The following CDKN2B-AS1 variants were observed in gnomAD, a reference collection of about 807,000 sequenced individuals.
CDKN2B-AS1 encodes the protein CDKN2B antisense RNA 1 (non-protein coding).
intron 1 of CDKN2B-AS1, among the ~76,000 whole-genome samples, chr9:22,038,155 A>G (rs927710483): frequency 2.0e-5 from 3 of 151,994 alleles, no homozygotes; most frequent in East Asian, 1.9e-4. Flanking sequence ...AAATACTTTT[A>G]TATTTGCTTA....
chr9:22,054,421 A>G (rs1587464415), intron 3 of CDKN2B-AS1, among the ~76,000 whole-genome samples: 2 of 152,182 alleles, frequency 1.3e-5, no homozygotes, highest in Admixed American at 6.5e-5. Flanking sequence ...AAAGGCCACA[A>G]ACAATTTCTT....
intron 4 of CDKN2B-AS1, among the ~76,000 whole-genome samples, chr9:22,125,020 A>C (rs181330262): frequency 1.4e-4 from 22 of 152,326 alleles, no homozygotes; most frequent in East Asian, 1.3e-3. Flanking sequence ...GTCTCTCTCT[A>C]TGTTTCTCTC....
intron 1 of CDKN2B-AS1, among the ~76,000 whole-genome samples, chr9:22,011,309 C>T (rs748219830): frequency 1.3e-5 from 2 of 152,164 alleles, no homozygotes; most frequent in African/African-American, 4.8e-5. Context: ...CTAATATTCT[C>T]TGTATAAAGA....
chr9:22,011,059 A>G (rs750772032), intron 1 of CDKN2B-AS1, among the ~76,000 whole-genome samples: 1 of 152,220 alleles, frequency 6.6e-6, no homozygotes, highest in Non-Finnish European at 1.5e-5. Context: ...ATGAAAAACA[A>G]CTTTGGGTAG....
At chr9:22,026,505 C>T (rs2131235474) in intron 1 of CDKN2B-AS1, among the ~76,000 whole-genome samples, 1 of 152,378 alleles carries the variant, frequency 6.6e-6, no homozygotes, top group South Asian at 2.1e-4. Context: ...GGGCCTGCCC[C>T]TCCTCCTGGG....
At position 22,000,281 on chromosome 9, in the gene CDKN2B-AS1, TATAGAC is replaced by T. The variant is rs1458874094; in HGVS notation, n.29+5124_29+5129del. ...TGACTACTGAGGCAAACACCATTCTTATAGACATAAGACATACTTGGGAGCAAATGT... is the reference window on the plus strand; with the variant it reads ...TGACTACTGAGGCAAACACCATTCTTATAAGACATACTTGGGAGCAAATGT... On this transcript the variant is annotated intron_variant and non_coding_transcript_variant, in intron 1 of 4. Coordinates refer to ENST00000650946, the Ensembl canonical transcript of CDKN2B-AS1. The surrounding 1 kb of genome is among the most constrained non-coding windows in gnomAD (Gnocchi z 4.1). 6.6e-6 allele frequency among the ~76,000 whole-genome samples: 1 copy of T among 152,206 alleles called. No homozygotes were observed. The highest frequency in any genetic ancestry group is 1.5e-5 in the Non-Finnish European group (1 of 68,022).
At chr9:22,126,571 A>ATTT (rs1818026896) in intron 4 of CDKN2B-AS1, among the ~76,000 whole-genome samples, 1 of 100,598 alleles carries the variant, frequency 9.9e-6, no homozygotes, top group African/African-American at 4.4e-5. Flanking sequence ...GAGTAAGTGG[A>ATTT]TTCTTTTTTT....
chr9:22,091,676 A>G (rs1255719083), intron 4 of CDKN2B-AS1, among the ~76,000 whole-genome samples: 1 of 152,166 alleles, frequency 6.6e-6, no homozygotes, highest in Non-Finnish European at 1.5e-5. Flanking sequence ...TTGATTTTTT[A>G]TCCTGAGACT....
At chr9:22,094,291 G>C (rs547344383) in intron 4 of CDKN2B-AS1, among the ~76,000 whole-genome samples, 1 of 143,558 alleles carries the variant, frequency 7.0e-6, no homozygotes, top group East Asian at 2.0e-4. Flanking sequence ...CGACAATTAT[G>C]TGTCTTGGAG....
intron 4 of CDKN2B-AS1, among the ~76,000 whole-genome samples, chr9:22,082,663 G>C (rs1011902122): frequency 6.6e-6 from 1 of 152,166 alleles, no homozygotes; most frequent in Non-Finnish European, 1.5e-5. Flanking sequence ...TTTTTAAGGA[G>C]GAGCATATAA....
chr9:22,117,405 T>TG lies in CDKN2B-AS1; in HGVS notation n.439-9691dup, dbSNP rs1025517331. ...CTCCCAGGGCACTTAAATGAAGGGT[T>TG]GGGGGGGAATCTTAACCTGAAATTG... On this transcript the variant is annotated intron_variant and non_coding_transcript_variant, in intron 4 of 4. Transcript: ENST00000650946. 3.7e-4 allele frequency among the ~76,000 whole-genome samples: 57 copies of TG among 152,098 alleles called. 1 individual carries two copies. Among genetic ancestry groups the TG allele is most frequent in the Admixed American group, 1.4e-3 (21 of 15,284 alleles).
At chr9:22,062,825 A>G (rs529329389) in intron 4 of CDKN2B-AS1, among the ~76,000 whole-genome samples, 14 of 151,846 alleles carry the variant, frequency 9.2e-5, no homozygotes, top group Admixed American at 3.3e-4. Flanking sequence ...TGAGAGAAGG[A>G]TTAGAGATAA....
In CDKN2B-AS1 at chr9:22,037,964, A is replaced by G. The variant is rs1822754890; in HGVS notation, n.30-8787A>G. Among the ~76,000 whole-genome samples, 4 of 152,056 alleles carry G rather than the reference A, an allele frequency of 2.6e-5. No individual in the cohort carries two copies. The South Asian group carries it at 8.3e-4, about 31-fold the overall frequency. ...TTAGGGAAAATAATGTTTTCCTAAGAGTAGGCAATGAAAATCTGAAGGTAC... is the reference window on the plus strand; with the variant it reads ...TTAGGGAAAATAATGTTTTCCTAAGGGTAGGCAATGAAAATCTGAAGGTAC... On this transcript the variant is annotated intron_variant and non_coding_transcript_variant, in intron 1 of 4. Coordinates refer to ENST00000650946, the Ensembl canonical transcript of CDKN2B-AS1.
intron 4 of CDKN2B-AS1, chr9:22,118,175 C>T (rs1176308974): frequency 6.6e-6 from 1 of 152,222 alleles, no homozygotes; most frequent in Non-Finnish European, 1.5e-5. Flanking sequence ...TCCACATTGC[C>T]TTTTAGTTGC....
At chr9:22,031,649 CAA>C (rs1822477366) in intron 1 of CDKN2B-AS1, among the ~76,000 whole-genome samples, 1 of 152,176 alleles carries the variant, frequency 6.6e-6, no homozygotes, top group African/African-American at 2.4e-5. Flanking sequence ...AAAGATGAAA[CAA>C]AGAAACTGAG....
At chr9:22,078,078 T>C (rs1330690328) in intron 4 of CDKN2B-AS1, among the ~76,000 whole-genome samples, 1 of 152,234 alleles carries the variant, frequency 6.6e-6, no homozygotes, top group African/African-American at 2.4e-5. Context: ...TCAACTTTAC[T>C]ATCCTGGTCC....
chr9:22,009,481 T>C (rs528593725), intron 1 of CDKN2B-AS1: 4 of 250,462 alleles, frequency 1.6e-5, no homozygotes, highest in African/African-American at 6.7e-5. Context: ...CGCCAGAGAC[T>C]GGGCCAGGGA....
rs761657523 is a variant in CDKN2B-AS1 at position 22,060,707 on chromosome 9, C to T, written n.438+4320C>T. ...ATAAAGACATACCTGAAACTAGGAA[C>T]AAAAAGAGGTTTCATTGGACTTACA... On this transcript the variant is annotated intron_variant and non_coding_transcript_variant, in intron 4 of 4. Transcript: ENST00000650946. Among the ~76,000 whole-genome samples, 96 of 152,112 alleles carry T rather than the reference C, an allele frequency of 6.3e-4. 3 individuals are homozygous for T. The highest frequency in any genetic ancestry group is 2.2e-4 in the Non-Finnish European group (15 of 68,022).
chr9:22,090,722 A>G (rs1825050812), intron 4 of CDKN2B-AS1, among the ~76,000 whole-genome samples: 1 of 152,030 alleles, frequency 6.6e-6, no homozygotes, highest in Non-Finnish European at 1.5e-5. Context: ...GATTCTGGAT[A>G]TTAGCCCTTT....
Sources: gnomAD v4.1 joint callset for allele counts (sites outside exome capture counted in the v4.1 genomes callset) on GRCh38, gnomAD v4.1.1 for gene constraint, Gnocchi (gnomAD v3.1) non-coding constraint, MANE v1.5 for transcripts, NCBI Gene and HGNC (gene_info 2026-07-23, HGNC 2026-07-21) for gene names.